Variants in CWF19L2 observed in about 807,000 individuals in gnomAD.
CWF19L2 encodes CWF19 like cell cycle control factor 2.
CWF19L2 carries 98 observed loss-of-function variants against 111.7 expected under a neutral mutation model. The observed-to-expected ratio is 0.88, with a 90% CI of 0.75 to 1.04. The LOEUF (loss-of-function observed/expected upper bound fraction) is 1.04. Ranked by LOEUF, CWF19L2 falls within the 50% of genes least tolerant of loss-of-function variation. The pLI, the probability that CWF19L2 is intolerant of heterozygous loss-of-function variation, is 0.00. For missense variants in CWF19L2, 1,101 were observed against 1,051.4 expected, an observed-to-expected ratio of 1.05 and a Z score of -0.65; for synonymous variants, 351 against 342.9, an observed-to-expected ratio of 1.02 and a Z score of -0.26.
At chr11:107,384,933 T>C (rs1260114219) in intron 12 of CWF19L2, among the ~76,000 whole-genome samples, 1 of 152,204 alleles carries the variant, frequency 6.6e-6, no homozygotes, top group Non-Finnish European at 1.5e-5. Flanking sequence ...AATGAGCTTT[T>C]GGAGTCATTC....
intron 14 of CWF19L2, among the ~76,000 whole-genome samples, chr11:107,342,395 C>A (rs1860017365): frequency 6.6e-6 from 1 of 151,704 alleles, no homozygotes; most frequent in Admixed American, 6.6e-5. Flanking sequence ...TCTCCTGAAA[C>A]TTCTTTTTAA....
intron 3 of CWF19L2, among the ~76,000 whole-genome samples, chr11:107,448,731 A>G (rs1861736703): frequency 1.3e-5 from 2 of 152,168 alleles, no homozygotes; most frequent in African/African-American, 2.4e-5. Flanking sequence ...TAGTGCCCTT[A>G]TAAAACATAG....
chr11:107,438,693 A>C (rs1477331635), intron 6 of CWF19L2, among the ~76,000 whole-genome samples: 1 of 152,218 alleles, frequency 6.6e-6, no homozygotes, highest in African/African-American at 2.4e-5. Context: ...CAAAGACTGC[A>C]AATTTTTATC....
At chr11:107,360,165 T>C (rs747328242) in intron 12 of CWF19L2, among the ~76,000 whole-genome samples, 6 of 152,208 alleles carry the variant, frequency 3.9e-5, no homozygotes, top group Admixed American at 6.5e-5. Context: ...TCTACATCCA[T>C]GTGTATACAT....
In CWF19L2 at chr11:107,387,173, T is replaced by A. The variant is rs78324109; in HGVS notation, c.1872+2901A>T. 7.7e-3 allele frequency among the ~76,000 whole-genome samples: 1,172 copies of A among 152,106 alleles called. 11 individuals carry two copies. The highest frequency in any genetic ancestry group is 0.026 in the African/African-American group (1,077 of 41,496). ...GGGCATTTCATACTTCACACATCCA[T>A]AACAGTATTCTTGATTTCCCACTCC... On this transcript the variant is annotated intron_variant, in intron 12 of 17. Transcript: ENST00000282251.
intron 3 of CWF19L2, among the ~76,000 whole-genome samples, chr11:107,450,385 T>C (rs1337327096): frequency 2.0e-5 from 3 of 151,856 alleles, no homozygotes; most frequent in African/African-American, 7.3e-5. Flanking sequence ...TATCTGGAAA[T>C]TTAAAAACTC....
rs568792823 is a variant in CWF19L2, at chr11:107,414,351, C to T, written c.1617+1858G>A. Among the ~76,000 whole-genome samples, 8 of 152,228 alleles carry T rather than the reference C, an allele frequency of 5.3e-5. No homozygotes were observed. In the South Asian group the frequency reaches 1.7e-3, roughly 32 times the overall value. On this transcript the variant is annotated intron_variant, in intron 10 of 17. Coordinates refer to ENST00000282251, the MANE Select transcript of CWF19L2 (RefSeq NM_152434.3). Reference sequence around the variant, plus strand: ...GGGACTACAGGAGCACACCACCACACCCAGCTAGAGTTATTCATATACATC... The same window carrying T: ...GGGACTACAGGAGCACACCACCACATCCAGCTAGAGTTATTCATATACATC...
At position 107,334,902 on chromosome 11, in the gene CWF19L2, A is replaced by G. The variant is rs780287512; in HGVS notation, c.2418T>C (p.Ser806=). The change falls in exon 16 of 18, where the codon TCT becomes TCC. Residue 806 remains serine, a synonymous_variant. Coordinates refer to ENST00000282251, the MANE Select transcript of CWF19L2 (RefSeq NM_152434.3). ...WSMNKKLIDL[S]SKDIRKSVPR... is the part of the protein sequence containing the mutation. Reference sequence around the variant, plus strand: ...TTACAGACTTTCTGATATCTTTTGAAGAGAGATCTATCAACTTCTTGTTCA... The same window carrying G: ...TTACAGACTTTCTGATATCTTTTGAGGAGAGATCTATCAACTTCTTGTTCA... The G allele has an allele frequency of 1.2e-5, 20 of 1,602,074 alleles. No individual in the cohort carries two copies. Among genetic ancestry groups the G allele is most frequent in the Non-Finnish European group, 1.5e-5 (18 of 1,169,712 alleles).
intron 10 of CWF19L2, among the ~76,000 whole-genome samples, chr11:107,398,215 T>C (rs1860951087): frequency 2.0e-5 from 3 of 151,904 alleles, no homozygotes. Flanking sequence ...ATTCAGGAAA[T>C]TAGTTATTAA....
intron 8 of CWF19L2, among the ~76,000 whole-genome samples, chr11:107,421,759 C>G (rs973050007): frequency 1.3e-5 from 2 of 152,048 alleles, no homozygotes; most frequent in African/African-American, 4.8e-5. Context: ...TGTTGGTGAT[C>G]ATGTAAAATG....
intron 8 of CWF19L2, among the ~76,000 whole-genome samples, chr11:107,427,252 T>C (rs1861391650): frequency 6.6e-6 from 1 of 151,948 alleles, no homozygotes; most frequent in Non-Finnish European, 1.5e-5. Context: ...TCCTAGATTT[T>C]TCTTTCCCTC....
intron 12 of CWF19L2, among the ~76,000 whole-genome samples, chr11:107,386,926 T>C (rs896000958): frequency 1.3e-5 from 2 of 151,846 alleles, no homozygotes; most frequent in Admixed American, 1.3e-4. Flanking sequence ...TGGTGGTGCG[T>C]GCCTATAGTC....
intron 4 of CWF19L2, among the ~76,000 whole-genome samples, chr11:107,442,234 G>A (rs1409159224): frequency 1.3e-5 from 2 of 152,168 alleles, no homozygotes; most frequent in Non-Finnish European, 2.9e-5. Context: ...AGTAGAAGGG[G>A]AAGGGGGTTC....
At chr11:107,422,639 T>C (rs11212221) in intron 8 of CWF19L2, among the ~76,000 whole-genome samples, 4,187 of 152,144 alleles carry the variant, frequency 0.028, 108 homozygotes, top group East Asian at 0.11. Context: ...TATAACTAAT[T>C]TGTCATAATC....
chr11:107,375,267 G>A (rs4319485), intron 12 of CWF19L2, among the ~76,000 whole-genome samples: 6,078 of 133,102 alleles, frequency 0.046, 1,348 homozygotes, highest in African/African-American at 0.17. Context: ...TGCACCAAGC[G>A]GACCTAATAT....
chr11:107,358,373 C>T (rs1451865746), intron 12 of CWF19L2, among the ~76,000 whole-genome samples: 2 of 151,392 alleles, frequency 1.3e-5, no homozygotes, highest in South Asian at 2.1e-4. Context: ...ACAAAAAGCT[C>T]GTAATATTTG....
At chr11:107,340,683 A>G (rs1438390200) in intron 14 of CWF19L2, among the ~76,000 whole-genome samples, 1 of 152,176 alleles carries the variant, frequency 6.6e-6, no homozygotes, top group Non-Finnish European at 1.5e-5. Context: ...GCCTTTCCAT[A>G]TAAAGTTTAG....
rs958014085 is a variant in CWF19L2, at chr11:107,369,871, T to C, written c.1873-16135A>G. 2.9e-5 allele frequency among the ~76,000 whole-genome samples: 4 copies of C among 138,534 alleles called. 1 individual carries two copies. The highest frequency in any genetic ancestry group is 5.7e-5 in the African/African-American group (2 of 34,916). 90.9% of individuals were successfully genotyped at this position (138,534 alleles called of 152,430 possible). ...ATTTACACTACATGAAATATAATAT[T>C]ACCTAGTTCTTTTACAAATAATTAA... On this transcript the variant is annotated intron_variant, in intron 12 of 17. Transcript: ENST00000282251.
At chr11:107,440,549 T>C (rs1861606426) in intron 5 of CWF19L2, among the ~76,000 whole-genome samples, 1 of 152,188 alleles carries the variant, frequency 6.6e-6, no homozygotes, top group Non-Finnish European at 1.5e-5. Flanking sequence ...TTTCTTCCAA[T>C]GGTCTTAAGA....
Sources: gnomAD v4.1 joint callset for allele counts (sites outside exome capture counted in the v4.1 genomes callset) on GRCh38, gnomAD v4.1.1 for gene constraint, MANE v1.5 for transcripts, NCBI Gene and HGNC (gene_info 2026-07-23, HGNC 2026-07-21) for gene names.